NFE2L2: variants seen among roughly 807,000 people sequenced by gnomAD.
NFE2L2 encodes the protein nuclear factor erythroid 2-related factor 2.
NFE2L2 carries 20 observed loss-of-function variants against 49.6 expected under a neutral mutation model. The ratio of observed to expected loss-of-function variants is 0.40; its 90% CI spans 0.28 to 0.59. The LOEUF (loss-of-function observed/expected upper bound fraction) is 0.59. Among genes scored for constraint, NFE2L2 ranks in the 20% least tolerant of loss-of-function variants. The pLI is 0.40. For synonymous variants in NFE2L2, 244 were observed against 256.5 expected, an observed-to-expected ratio of 0.95 and a Z score of 0.47; for missense variants, 578 against 714.2, an observed-to-expected ratio of 0.81 and a Z score of 2.17.
intron 1 of NFE2L2, among the ~76,000 whole-genome samples, chr2:177,236,064 T>C (rs987736654): frequency 6.6e-6 from 1 of 152,278 alleles, no homozygotes; most frequent in Admixed American, 6.5e-5. Context: ...GAGTTGGGAC[T>C]TGAAGGCCAG....
intron 1 of NFE2L2, among the ~76,000 whole-genome samples, chr2:177,259,201 C>T (rs1246717620): frequency 2.0e-5 from 3 of 152,238 alleles, no homozygotes; most frequent in South Asian, 4.2e-4. Flanking sequence ...ACTTGGGAGG[C>T]TGAGGCAGGA....
At position 177,231,496 on chromosome 2, in the gene NFE2L2, T is replaced by A. The variant is rs1374335825; in HGVS notation, c.1107A>T (p.Thr369=). 1 of 1,614,238 alleles carries A rather than the reference T, an allele frequency of 6.2e-7. No individual in the cohort carries two copies. Among genetic ancestry groups the A allele is most frequent in the East Asian group, 2.2e-5 (1 of 44,888 alleles). Residue 369 remains threonine, a synonymous_variant, in exon 5 of 5, where the codon ACA becomes ACT. Coordinates refer to ENST00000397062, the MANE Select transcript of NFE2L2 (RefSeq NM_006164.5). ...HSVESSSYGD[T]LLGLSDSEVE... is the part of the protein sequence containing the mutation. ...CTTCAGAATCACTGAGGCCAAGTAG[T>A]GTGTCTCCATAGCTGGAAGATTCCA...
At position 177,259,229 on chromosome 2, in the gene NFE2L2, G is replaced by A. The variant is rs1690637709; in HGVS notation, c.45+5303C>T. ...AGGCAGGAGAATCGCTTGAACTCGGGAGGTGGAGGGTGCAGTGAGCCCAGA... is the reference window on the plus strand; with the variant it reads ...AGGCAGGAGAATCGCTTGAACTCGGAAGGTGGAGGGTGCAGTGAGCCCAGA... On this transcript the variant is annotated intron_variant, in intron 1 of 4. Transcript: ENST00000397062. Among the ~76,000 whole-genome samples, 3 of 152,080 alleles carry A rather than the reference G, an allele frequency of 2.0e-5. No homozygotes were observed. The South Asian group carries it at 6.2e-4, about 32-fold the overall frequency.
At chr2:177,239,668 C>A (rs1225806657) in intron 1 of NFE2L2, among the ~76,000 whole-genome samples, 1 of 151,994 alleles carries the variant, frequency 6.6e-6, no homozygotes, top group Non-Finnish European at 1.5e-5. Context: ...CAAAGTGAGA[C>A]CTTGTCTCAA....
At chr2:177,247,870 G>C (rs563146578) in intron 1 of NFE2L2, among the ~76,000 whole-genome samples, 6 of 152,128 alleles carry the variant, frequency 3.9e-5, no homozygotes, top group Non-Finnish European at 7.3e-5. Context: ...GGTACCCGCA[G>C]ATAAGACCGA....
intron 1 of NFE2L2, among the ~76,000 whole-genome samples, chr2:177,250,961 C>T (rs557685295): frequency 6.6e-6 from 1 of 152,252 alleles, no homozygotes; most frequent in Admixed American, 6.5e-5. Context: ...CAAGGATGTC[C>T]AAGGATGAGG....
intron 1 of NFE2L2, among the ~76,000 whole-genome samples, chr2:177,252,448 T>G (rs566319399): frequency 3.3e-5 from 5 of 152,314 alleles, no homozygotes; most frequent in African/African-American, 9.6e-5. Context: ...TTTCTTGTCT[T>G]GGGCAAATAT....
intron 1 of NFE2L2, among the ~76,000 whole-genome samples, chr2:177,249,867 A>C (rs1690270247): frequency 6.6e-6 from 1 of 152,246 alleles, no homozygotes; most frequent in African/African-American, 2.4e-5. Context: ...CGAAATTAAA[A>C]ATTCAGTTCC....
chr2:177,246,241 TCC>T (rs1690124912), intron 1 of NFE2L2, among the ~76,000 whole-genome samples: 1 of 152,052 alleles, frequency 6.6e-6, no homozygotes, highest in Non-Finnish European at 1.5e-5. Context: ...TCAGGACAAC[TCC>T]CTTGCATAGG....
chr2:177,243,366 G>T lies in NFE2L2; in HGVS notation c.46-9095C>A, dbSNP rs1026781417. Among the ~76,000 whole-genome samples the T allele has an allele frequency of 1.3e-5, 2 of 152,186 alleles. 1 individual carries two copies. The highest frequency in any genetic ancestry group is 3.8e-4 in the East Asian group (2 of 5,204). On this transcript the variant is annotated intron_variant, in intron 1 of 4. Coordinates refer to ENST00000397062, the MANE Select transcript of NFE2L2 (RefSeq NM_006164.5). The stretch of plus-strand genomic sequence containing the variant: ...TCCTCCAAGGAAGTCCCCCATGAGG[G>T]TGGGCACACACAATCCAGCACATTC...
chr2:177,244,187 G>A (rs984378900), intron 1 of NFE2L2, among the ~76,000 whole-genome samples: 25 of 151,928 alleles, frequency 1.6e-4, no homozygotes, highest in African/African-American at 5.3e-4. Context: ...TGTAGTCCCA[G>A]CTACTCGGGA....
intron 1 of NFE2L2, among the ~76,000 whole-genome samples, chr2:177,236,914 C>A (rs1242906852): frequency 2.6e-5 from 4 of 152,154 alleles, no homozygotes; most frequent in African/African-American, 9.7e-5. Flanking sequence ...GTCACCCAGG[C>A]TGGAGTGTGG....
At chr2:177,242,396 G>C (rs1037316641) in intron 1 of NFE2L2, among the ~76,000 whole-genome samples, 1 of 152,160 alleles carries the variant, frequency 6.6e-6, no homozygotes, top group Non-Finnish European at 1.5e-5. Context: ...TGAATAACTA[G>C]AGACTTTTAA....
chr2:177,251,535 C>T (rs1326179386), intron 1 of NFE2L2, among the ~76,000 whole-genome samples: 2 of 152,148 alleles, frequency 1.3e-5, no homozygotes, highest in African/African-American at 2.4e-5. Context: ...GCCGGGGCAA[C>T]GTGTGGGGCC....
At chr2:177,261,897 G>A (rs1201318081) in intron 1 of NFE2L2, among the ~76,000 whole-genome samples, 1 of 151,862 alleles carries the variant, frequency 6.6e-6, no homozygotes, top group East Asian at 1.9e-4. Flanking sequence ...AAATGTACTT[G>A]TTGGGTTCCT....
chr2:177,264,140 C>T (rs1690852376), intron 1 of NFE2L2, among the ~76,000 whole-genome samples: 1 of 152,012 alleles, frequency 6.6e-6, no homozygotes, highest in East Asian at 1.9e-4. Context: ...CCGGGCCGCG[C>T]CGGCTCAGAC....
chr2:177,264,390 GC>G (rs1401416327), intron 1 of NFE2L2, 141 bp downstream of exon 1: 1 of 798,176 alleles, frequency 1.3e-6, no homozygotes, highest in Non-Finnish European at 1.8e-6. Flanking sequence ...CGCAAGCGCG[GC>G]GGCTCTACCC....
At chr2:177,264,430 G>C in intron 1 of NFE2L2, 102 bp downstream of exon 1, 2 of 1,266,208 alleles carry the variant, frequency 1.6e-6, no homozygotes. Context: ...CTGGCCAGAC[G>C]TGGGGGAAGC....
intron 1 of NFE2L2, 107 bp downstream of exon 1, chr2:177,264,425 C>T: frequency 8.1e-7 from 1 of 1,232,258 alleles, no homozygotes; most frequent in Non-Finnish European, 1.1e-6. Context: ...TGGCTCTGGC[C>T]AGACGTGGGG....
Sources: gnomAD v4.1 joint callset for allele counts (sites outside exome capture counted in the v4.1 genomes callset) on GRCh38, gnomAD v4.1.1 for gene constraint, MANE v1.5 for transcripts, NCBI Gene and HGNC (gene_info 2026-07-23, HGNC 2026-07-21) for gene names.